The following NRXN1 variants were observed in gnomAD, a reference collection of about 807,000 sequenced individuals.
NRXN1 encodes the protein neurexin-1.
In NRXN1, 39 loss-of-function variants were observed where a neutral mutation model predicts 150.9. The ratio of observed to expected loss-of-function variants is 0.26; its 90% CI spans 0.20 to 0.34. NRXN1 has a LOEUF of 0.34. Among genes scored for constraint, NRXN1 ranks in the 10% least tolerant of loss-of-function variants. NRXN1 has a pLI of 1.00. For synonymous variants in NRXN1, 924 were observed against 757.0 expected, an observed-to-expected ratio of 1.22 and a Z score of -3.62; for missense variants, 1,815 against 1,949.9, an observed-to-expected ratio of 0.93 and a Z score of 1.30.
chr2:50,760,506 G>A (rs1019830877), intron 5 of NRXN1, among the ~76,000 whole-genome samples: 7 of 151,732 alleles, frequency 4.6e-5, no homozygotes, highest in Non-Finnish European at 8.8e-5. Context: ...CTTCTCCACT[G>A]GAATTTGTAC....
intron 22 of NRXN1, among the ~76,000 whole-genome samples, chr2:49,930,581 C>T (rs1457657741): frequency 6.6e-6 from 1 of 152,180 alleles, no homozygotes; most frequent in African/African-American, 2.4e-5. Context: ...TATCACATCA[C>T]AAATTTTAAC....
At chr2:51,001,681 T>C (rs1700098622) in intron 2 of NRXN1, among the ~76,000 whole-genome samples, 1 of 151,996 alleles carries the variant, frequency 6.6e-6, no homozygotes, top group South Asian at 2.1e-4. Context: ...TCACGCTATT[T>C]TAAAAAATAT....
chr2:50,331,416 G>GTT (rs1363938592), intron 17 of NRXN1, among the ~76,000 whole-genome samples: 1 of 152,132 alleles, frequency 6.6e-6, no homozygotes, highest in East Asian at 1.9e-4. Flanking sequence ...AGATTTAAAA[G>GTT]TTGTGTGTGT....
chr2:50,198,879 G>A (rs997111674), intron 18 of NRXN1, among the ~76,000 whole-genome samples: 1 of 152,098 alleles, frequency 6.6e-6, no homozygotes, highest in African/African-American at 2.4e-5. Context: ...AACTTTTGGA[G>A]CACAGGTATA....
chr2:50,986,391 A>G (rs1697711075), intron 2 of NRXN1, among the ~76,000 whole-genome samples: 2 of 151,868 alleles, frequency 1.3e-5, no homozygotes, highest in African/African-American at 4.8e-5. Flanking sequence ...CAGAATATCC[A>G]CTGCAACATT....
chr2:50,767,880 G>T (rs1469032874), intron 5 of NRXN1, among the ~76,000 whole-genome samples: 1 of 151,986 alleles, frequency 6.6e-6, no homozygotes, highest in Non-Finnish European at 1.5e-5. Flanking sequence ...TGTAATTAAT[G>T]TTTGTTTCAT....
chr2:50,309,607 C>T (rs2074989452), intron 17 of NRXN1, among the ~76,000 whole-genome samples: 1 of 152,186 alleles, frequency 6.6e-6, no homozygotes, highest in African/African-American at 2.4e-5. Context: ...ATGATGGAAA[C>T]TCTTTTAGTT....
chr2:50,857,455 A>T (rs1246707872), intron 5 of NRXN1, among the ~76,000 whole-genome samples: 1 of 152,062 alleles, frequency 6.6e-6, no homozygotes, highest in African/African-American at 2.4e-5. Flanking sequence ...GTAGAGGATG[A>T]TCACTGGTAA....
At chr2:50,019,897 G>C (rs532357707) in intron 21 of NRXN1, among the ~76,000 whole-genome samples, 22 of 136,528 alleles carry the variant, frequency 1.6e-4, no homozygotes, top group African/African-American at 4.4e-4. Context: ...GCAGTGAGCC[G>C]AGATCGCGCC....
intron 17 of NRXN1, among the ~76,000 whole-genome samples, chr2:50,424,886 T>A (rs12464133): frequency 0.33 from 50,076 of 151,992 alleles, 8,856 homozygotes; most frequent in African/African-American, 0.45. Context: ...TGCATAATAT[T>A]TTTCTGTTAA....
intron 17 of NRXN1, among the ~76,000 whole-genome samples, chr2:50,281,901 T>C (rs891647119): frequency 6.6e-6 from 1 of 152,104 alleles, no homozygotes; most frequent in African/African-American, 2.4e-5. Flanking sequence ...AAAATAAACA[T>C]ATCAATAAGA....
intron 8 of NRXN1, among the ~76,000 whole-genome samples, chr2:50,598,729 T>C (rs1675726837): frequency 6.8e-6 from 1 of 147,492 alleles, no homozygotes; most frequent in African/African-American, 2.5e-5. Flanking sequence ...TATATACACA[T>C]ATATATGTAT....
intron 2 of NRXN1, among the ~76,000 whole-genome samples, chr2:50,996,683 T>C (rs545307147): frequency 1.3e-4 from 19 of 151,878 alleles, no homozygotes; most frequent in Non-Finnish European, 2.1e-4. Context: ...CCATATTACA[T>C]AAATGGGGGA....
intron 8 of NRXN1, 76 bp downstream of exon 8, chr2:50,619,946 G>T: frequency 1.5e-6 from 2 of 1,349,462 alleles, no homozygotes; most frequent in Non-Finnish European, 2.0e-6. Flanking sequence ...CGGGTCTTCA[G>T]CAAAGGTGCT....
At chr2:50,012,239 C>T (rs1055576200) in intron 21 of NRXN1, among the ~76,000 whole-genome samples, 3 of 151,956 alleles carry the variant, frequency 2.0e-5, no homozygotes, top group Non-Finnish European at 2.9e-5. Context: ...AGAATAAGAG[C>T]AAAGAAGAAA....
intron 2 of NRXN1, among the ~76,000 whole-genome samples, chr2:50,935,827 T>G (rs993970000): frequency 2.6e-5 from 4 of 152,126 alleles, no homozygotes; most frequent in Admixed American, 2.0e-4. Context: ...AAAAGTTTCA[T>G]GTCAAGAATG....
intron 21 of NRXN1, among the ~76,000 whole-genome samples, chr2:50,003,973 C>A (rs1421577): frequency 0.83 from 126,987 of 152,136 alleles, 53,108 homozygotes; most frequent in Middle Eastern, 0.88. Context: ...AGAGATACAA[C>A]ATAATAATTC....
At chr2:50,326,077 T>A (rs2076366810) in intron 17 of NRXN1, among the ~76,000 whole-genome samples, 1 of 152,218 alleles carries the variant, frequency 6.6e-6, no homozygotes, top group African/African-American at 2.4e-5. Context: ...AAAGTGTTTA[T>A]CAGTTTTCAT....
chr2:49,950,069 A>C (rs1287697394), intron 21 of NRXN1, among the ~76,000 whole-genome samples: 1 of 151,956 alleles, frequency 6.6e-6, no homozygotes, highest in East Asian at 1.9e-4. Context: ...CTGATAACCT[A>C]TGGAGCAAGA....
Sources: allele counts gnomAD v4.1 joint callset (sites outside exome capture counted in the v4.1 genomes callset), GRCh38; gene constraint gnomAD v4.1.1; transcripts MANE v1.5; gene names NCBI Gene and HGNC (gene_info 2026-07-23, HGNC 2026-07-21).